Variants in STPG2 observed in about 807,000 individuals in gnomAD.
STPG2 encodes sperm-tail PG-rich repeat-containing protein 2.
STPG2 carries 56 observed loss-of-function variants against 54.2 expected under a neutral mutation model. That is an observed-to-expected ratio of 1.03 (90% confidence interval 0.83 to 1.29). The LOEUF (loss-of-function observed/expected upper bound fraction) is 1.29. STPG2 is among the 50% of genes most tolerant of loss of function. The probability of loss-of-function intolerance (pLI) is 0.00; values close to 1 mark genes in which losing one functional copy is unlikely to be tolerated. For synonymous variants in STPG2, 200 were observed against 181.8 expected (o/e 1.10, Z -0.81); for missense variants, 596 against 544.9 (o/e 1.09, Z -0.93).
chr4:97,962,523 T>A (rs1733927912), intron 7 of STPG2, among the ~76,000 whole-genome samples: 1 of 152,204 alleles, frequency 6.6e-6, no homozygotes, highest in Non-Finnish European at 1.5e-5. Flanking sequence ...CAGACATGTT[T>A]AGGGTTTATA....
chr4:97,706,532 T>C (rs1723947548), intron 10 of STPG2, among the ~76,000 whole-genome samples: 1 of 152,166 alleles, frequency 6.6e-6, no homozygotes, highest in South Asian at 2.1e-4. Flanking sequence ...TGTTCAGAGC[T>C]ATGAGAAATA....
chr4:97,799,570 T>A (rs1281674941), intron 9 of STPG2, among the ~76,000 whole-genome samples: 1 of 152,248 alleles, frequency 6.6e-6, no homozygotes, highest in Non-Finnish European at 1.5e-5. Flanking sequence ...TCTGATGGGC[T>A]TCCCTTTGTG....
In STPG2 at chr4:97,472,825, T is replaced by C. The variant is rs1729970547; in HGVS notation, c.462+239874A>G. Among the ~76,000 whole-genome samples the C allele has an allele frequency of 3.3e-5, 5 of 152,284 alleles. No homozygotes were observed. In the South Asian group the frequency reaches 1.0e-3, roughly 32 times the overall value. Reference sequence around the variant, plus strand: ...GTGACAATAAAAGGATCATTGGTTGTTGCGGGAAGTCAGGGACCCTGAATG... The same window carrying C: ...GTGACAATAAAAGGATCATTGGTTGCTGCGGGAAGTCAGGGACCCTGAATG... On this transcript the variant is annotated intron_variant, in intron 4 of 4. Coordinates refer to the STPG2 transcript ENST00000522676.
At chr4:97,972,534 AT>A in intron 6 of STPG2, 94 bp from the exon 7 acceptor site, 5 of 718,112 alleles carry the variant, frequency 7.0e-6, no homozygotes, top group South Asian at 4.7e-5. Flanking sequence ...TTTTTTCTAA[AT>A]AAAAAACCCT....
At chr4:97,451,091 TGAGA>T (rs1729353448) in intron 4 of STPG2, among the ~76,000 whole-genome samples, 2 of 152,134 alleles carry the variant, frequency 1.3e-5, no homozygotes, top group South Asian at 4.1e-4. Flanking sequence ...AATAGACTAC[TGAGA>T]GATTATAGAA....
At chr4:97,955,533 A>C (rs1406521971) in intron 7 of STPG2, among the ~76,000 whole-genome samples, 3 of 152,148 alleles carry the variant, frequency 2.0e-5, no homozygotes, top group African/African-American at 7.2e-5. Context: ...AAGAATTCTA[A>C]GAGTGTTCGA....
intron 8 of STPG2, among the ~76,000 whole-genome samples, chr4:97,878,826 A>T (rs944324508): frequency 1.3e-5 from 2 of 152,202 alleles, no homozygotes; most frequent in Non-Finnish European, 2.9e-5. Context: ...TTCTCCTCAG[A>T]AAATGGGTTT....
At chr4:97,731,728 C>T (rs1724802256) in intron 9 of STPG2, among the ~76,000 whole-genome samples, 1 of 152,180 alleles carries the variant, frequency 6.6e-6, no homozygotes, top group Non-Finnish European at 1.5e-5. Context: ...AGCTCCCACA[C>T]CAGTCCATGA....
At chr4:97,508,148 C>T (rs1286522063) in intron 4 of STPG2, among the ~76,000 whole-genome samples, 2 of 151,954 alleles carry the variant, frequency 1.3e-5, no homozygotes, top group African/African-American at 4.8e-5. Context: ...AAAGACCAGG[C>T]AAATTCTTTA....
At chr4:97,759,582 G>C (rs1725828735) in intron 9 of STPG2, among the ~76,000 whole-genome samples, 1 of 152,102 alleles carries the variant, frequency 6.6e-6, no homozygotes, top group South Asian at 2.1e-4. Flanking sequence ...AGGAAGTAAG[G>C]GGTTGGATGT....
rs575504258 is a variant in STPG2, at chr4:97,452,413, C to T, written c.462+260286G>A. Among the ~76,000 whole-genome samples, 48 of 152,208 alleles carry T rather than the reference C, an allele frequency of 3.2e-4. No homozygotes were observed. In the South Asian group the frequency reaches 9.5e-3, roughly 30 times the overall value. On this transcript the variant is annotated intron_variant, in intron 4 of 4. Transcript: ENST00000522676. ...CCCACCTTTTTTAGGCCAGGAACGG[C>T]CTGAAGGCTGGGCCAGGCTGCCAGT...
intron 9 of STPG2, among the ~76,000 whole-genome samples, chr4:97,829,398 A>G (rs1477268520): frequency 6.6e-6 from 1 of 152,154 alleles, no homozygotes; most frequent in Admixed American, 6.5e-5. Context: ...AAGGTAGATA[A>G]ATTCACAAAG....
chr4:97,938,710 C>T (rs1732855531), intron 8 of STPG2, among the ~76,000 whole-genome samples: 1 of 152,160 alleles, frequency 6.6e-6, no homozygotes, highest in South Asian at 2.1e-4. Flanking sequence ...GCTGGAGGTG[C>T]CCCTTACCCC....
intron 5 of STPG2, among the ~76,000 whole-genome samples, chr4:98,004,579 G>A (rs560357999): frequency 1.3e-5 from 2 of 152,140 alleles, no homozygotes; most frequent in African/African-American, 4.8e-5. Context: ...TTCCCATAAC[G>A]GCTGTACCAA....
chr4:97,825,115 T>A (rs948417935), intron 9 of STPG2, among the ~76,000 whole-genome samples: 1 of 151,688 alleles, frequency 6.6e-6, no homozygotes, highest in Non-Finnish European at 1.5e-5. Context: ...GGCTCCTTGG[T>A]AAAAAAAACT....
intron 10 of STPG2, among the ~76,000 whole-genome samples, chr4:97,693,467 C>G (rs773504730): frequency 1.6e-4 from 24 of 152,198 alleles, no homozygotes; most frequent in Admixed American, 1.2e-3. Context: ...AAAAGGACTA[C>G]TCTAAAAGGA....
intron 5 of STPG2, among the ~76,000 whole-genome samples, chr4:98,066,577 A>C (rs1737844106): frequency 1.4e-5 from 2 of 147,894 alleles, no homozygotes; most frequent in African/African-American, 5.1e-5. Context: ...CAACAGACAG[A>C]GACTCCATCT....
chr4:97,832,753 A>G (rs1449781181), intron 9 of STPG2, among the ~76,000 whole-genome samples: 1 of 152,200 alleles, frequency 6.6e-6, no homozygotes, highest in East Asian at 1.9e-4. Flanking sequence ...GTGAACTCCT[A>G]TTCATAATTG....
intron 5 of STPG2, among the ~76,000 whole-genome samples, chr4:97,986,674 T>C (rs1229839656): frequency 1.3e-5 from 2 of 152,238 alleles, no homozygotes; most frequent in Non-Finnish European, 2.9e-5. Context: ...TAATAGATGG[T>C]TCTATTCAAA....
Sources: allele counts gnomAD v4.1 joint callset (sites outside exome capture counted in the v4.1 genomes callset), GRCh38; gene constraint gnomAD v4.1.1; transcripts MANE v1.5; gene names NCBI Gene and HGNC (gene_info 2026-07-23, HGNC 2026-07-21).